The following VWDE variants were observed in gnomAD, a reference collection of about 807,000 sequenced individuals.
VWDE encodes von Willebrand factor D and EGF domains.
A neutral mutation model predicts 178.4 loss-of-function variants in VWDE; 207 were observed. That is an observed-to-expected ratio of 1.16 (90% CI 1.04 to 1.30). VWDE has a LOEUF of 1.30. VWDE is among the 50% of genes most tolerant of loss of function. VWDE has a pLI of 0.00. For missense variants in VWDE, 2,287 were observed against 1,901.3 expected (o/e 1.20, Z -3.77); for synonymous variants, 738 against 651.4 (o/e 1.13, Z -2.02).
At chr7:12,339,969 G>T (rs1224509425) in intron 24 of VWDE, among the ~76,000 whole-genome samples, 10 of 152,070 alleles carry the variant, frequency 6.6e-5, no homozygotes, top group African/African-American at 1.9e-4. Context: ...GTGGACAGTA[G>T]ATTGACCATA....
Position 12,368,325 on chromosome 7 carries a change from G to A in VWDE, c.2762-832C>T, listed in dbSNP as rs762764328. On this transcript the variant is annotated intron_variant, in intron 12 of 28. Coordinates refer to ENST00000275358, the MANE Select transcript of VWDE (RefSeq NM_001135924.3). ...AAATTATATTAACTATATTAAGAGA[G>A]ATTAAGACCATGGAATTGTGTAAGA... 2.2e-4 allele frequency among the ~76,000 whole-genome samples: 34 copies of A among 151,580 alleles called. 1 individual carries two copies. Among genetic ancestry groups the A allele is most frequent in the Non-Finnish European group, 1.5e-5 (1 of 67,954 alleles).
intron 9 of VWDE, 23 bp downstream of exon 9, chr7:12,374,666 A>C (rs576738114): frequency 6.8e-7 from 1 of 1,478,366 alleles, no homozygotes. Flanking sequence ...AACTACTAAA[A>C]GAAGAAACTT....
At chr7:12,373,594 C>G (rs1486174202) in intron 9 of VWDE, among the ~76,000 whole-genome samples, 1 of 152,084 alleles carries the variant, frequency 6.6e-6, no homozygotes, top group Non-Finnish European at 1.5e-5. Flanking sequence ...CTCTTTTCAG[C>G]CTTCCCTTTC....
At chr7:12,402,587 T>G (rs1784955001) in intron 1 of VWDE, among the ~76,000 whole-genome samples, 2 of 152,218 alleles carry the variant, frequency 1.3e-5, no homozygotes, top group South Asian at 4.1e-4. Context: ...GTCATTTTTT[T>G]CCTGGAAATA....
In VWDE at chr7:12,343,659, A is replaced by G. The variant is rs75511597; in HGVS notation, c.4079-481T>C. Among the ~76,000 whole-genome samples the G allele has an allele frequency of 5.5e-3, 831 of 152,274 alleles. 27 individuals are homozygous for G. Among genetic ancestry groups the G allele is most frequent in the Admixed American group, 0.04 (604 of 15,274 alleles). On this transcript the variant is annotated intron_variant, in intron 21 of 28. Transcript: ENST00000275358. ...CTACCAAACTACCTTTTCACATATT[A>G]TTTTAAAATAAACAACTTATTTCTT...
chr7:12,403,234 T>C (rs2128566960), intron 1 of VWDE, among the ~76,000 whole-genome samples: 1 of 152,292 alleles, frequency 6.6e-6, no homozygotes, highest in Admixed American at 6.5e-5. Flanking sequence ...CAATGAATTA[T>C]TTCTGAGGGT....
chr7:12,372,530 G>C (rs1783263470), intron 10 of VWDE, among the ~76,000 whole-genome samples: 1 of 151,926 alleles, frequency 6.6e-6, no homozygotes, highest in African/African-American at 2.4e-5. Context: ...TAGCCTGCCA[G>C]GAGTAAAGGA....
chr7:12,344,417 GATGT>G lies in VWDE; in HGVS notation c.3935_3938del (p.Asn1312ThrfsTer73). Reference sequence around the variant, plus strand: ...CAATGTAACCAGGTTTACATTTGCAGATGTTTGGGGCAACACACTCCCTACTTTT... The same window carrying G: ...CAATGTAACCAGGTTTACATTTGCAGTTGGGGCAACACACTCCCTACTTTT... On this transcript the variant is annotated frameshift_variant, in exon 20 of 29. Coordinates refer to ENST00000275358, the MANE Select transcript of VWDE (RefSeq NM_001135924.3). LOFTEE classifies it high-confidence loss of function. 2 of 1,550,988 alleles carry G rather than the reference GATGT, an allele frequency of 1.3e-6. No homozygotes were observed. Among genetic ancestry groups the G allele is most frequent in the Non-Finnish European group, 1.7e-6 (2 of 1,146,616 alleles).
chr7:12,357,354 A>C lies in VWDE; in HGVS notation c.3436T>G (p.Phe1146Val). 6.4e-7 allele frequency: 1 copy of C among 1,552,034 alleles called. No homozygotes were observed. Among genetic ancestry groups the C allele is most frequent in the Non-Finnish European group, 8.7e-7 (1 of 1,147,080 alleles). Residue 1146 changes from phenylalanine (F) to valine (V), a missense_variant, in exon 17 of 29, where the codon TTT (phenylalanine) becomes GTT (valine). Phe to Val is a conservative substitution (Grantham distance 50). Coordinates refer to ENST00000275358, the MANE Select transcript of VWDE (RefSeq NM_001135924.3). Reference sequence around the variant, plus strand: ...GTTAGTAAATCTGTTTTCCACATAAAAAGCCCTGCAGAGGAAACACTTGCC... The same window carrying C: ...GTTAGTAAATCTGTTTTCCACATAACAAGCCCTGCAGAGGAAACACTTGCC... ...EGASVSSAGL[F>V]MWKTDLLTTQ...
chr7:12,389,524 C>A (rs865979561), intron 2 of VWDE, among the ~76,000 whole-genome samples, 166 bp from the exon 3 acceptor site: 1 of 152,000 alleles, frequency 6.6e-6, no homozygotes, highest in Admixed American at 6.6e-5. Flanking sequence ...TTAAGGAATA[C>A]TAAATTTAAG....
chr7:12,343,587 A>C (rs549657848), intron 21 of VWDE, among the ~76,000 whole-genome samples: 1 of 152,290 alleles, frequency 6.6e-6, no homozygotes, highest in Non-Finnish European at 1.5e-5. Context: ...CTTTGCCATA[A>C]AAACATTTAA....
chr7:12,391,912 G>C (rs780025924), intron 2 of VWDE, among the ~76,000 whole-genome samples: 1 of 152,082 alleles, frequency 6.6e-6, no homozygotes, highest in Non-Finnish European at 1.5e-5. Context: ...AAAGAAAATC[G>C]ACTTTAAGAA....
intron 4 of VWDE, among the ~76,000 whole-genome samples, chr7:12,382,215 A>G (rs1029467924): frequency 2.6e-5 from 4 of 151,832 alleles, no homozygotes; most frequent in South Asian, 2.1e-4. Context: ...AATGTTCTAA[A>G]GAGCATAATA....
intron 3 of VWDE, among the ~76,000 whole-genome samples, chr7:12,385,584 T>C (rs1784058066): frequency 6.6e-6 from 1 of 152,198 alleles, no homozygotes; most frequent in Non-Finnish European, 1.5e-5. Context: ...GACCTCAGCC[T>C]GACATTGTAA....
intron 23 of VWDE, among the ~76,000 whole-genome samples, chr7:12,341,329 T>C (rs538030392): frequency 4.1e-4 from 63 of 152,084 alleles, no homozygotes; most frequent in Non-Finnish European, 7.9e-4. Flanking sequence ...ACTGCAAACA[T>C]TGCTGCCAAA....
intron 2 of VWDE, among the ~76,000 whole-genome samples, chr7:12,390,035 T>C (rs1271073249): frequency 2.0e-5 from 3 of 151,632 alleles, no homozygotes; most frequent in East Asian, 1.9e-4. Context: ...TGTGGTGGCG[T>C]GCGCCTGTAA....
chr7:12,363,361 A>G (rs1420062490), intron 13 of VWDE, among the ~76,000 whole-genome samples: 1 of 152,068 alleles, frequency 6.6e-6, no homozygotes, highest in Non-Finnish European at 1.5e-5. Context: ...CAAGCCTACA[A>G]ATATAGACAA....
intron 10 of VWDE, among the ~76,000 whole-genome samples, chr7:12,371,815 T>C (rs1295624643): frequency 6.6e-6 from 1 of 152,112 alleles, no homozygotes; most frequent in Non-Finnish European, 1.5e-5. Context: ...TATGACATCA[T>C]TATATTTAGA....
rs1286529558 is a variant in VWDE, at chr7:12,370,873, C to T, written c.1588-9G>A. The T allele has an allele frequency of 2.7e-6, 4 of 1,501,248 alleles. No homozygotes were observed. The highest frequency in any genetic ancestry group is 3.6e-6 in the Non-Finnish European group (4 of 1,125,858). The allele number at this position is 1,501,248 out of a possible 1,614,324, so 93.0% of individuals were successfully genotyped here. ...CCAGAAGAAAACCAGATCTGAAAAA[C>T]AGAAATAAATACAGAAATAAAAGAT... On this transcript the variant is annotated splice_polypyrimidine_tract_variant and intron_variant, in intron 10 of 28. Coordinates refer to ENST00000275358, the MANE Select transcript of VWDE (RefSeq NM_001135924.3).
Sources: gnomAD v4.1 joint callset for allele counts (sites outside exome capture counted in the v4.1 genomes callset) on GRCh38, gnomAD v4.1.1 for gene constraint, MANE v1.5 for transcripts, NCBI Gene and HGNC (gene_info 2026-07-23, HGNC 2026-07-21) for gene names.